UNC93A: variants seen among roughly 807,000 people sequenced by gnomAD.
UNC93A encodes the protein N-acetylglucosamine transporter UNC93A.
Under a neutral mutation model 47.5 loss-of-function variants are expected in UNC93A, and 43 were observed. The ratio of observed to expected loss-of-function variants is 0.91; its 90% CI spans 0.71 to 1.17. The LOEUF (loss-of-function observed/expected upper bound fraction) is 1.17, where lower values mean the gene tolerates loss of function less well. UNC93A is among the 50% of genes most tolerant of loss of function. The pLI is 0.00. For missense variants in UNC93A, 605 were observed against 577.6 expected, an observed-to-expected ratio of 1.05 and a Z score of -0.49; for synonymous variants, 280 against 258.0, an observed-to-expected ratio of 1.09 and a Z score of -0.82.
At chr6:167,303,261 G>A (rs770888307) in intron 4 of UNC93A, among the ~76,000 whole-genome samples, 1 of 152,192 alleles carries the variant, frequency 6.6e-6, no homozygotes, top group African/African-American at 2.4e-5. Context: ...ACATCTTTAT[G>A]TCCTTTCTTA....
At chr6:167,305,375 C>A (rs1470796494) in intron 5 of UNC93A, among the ~76,000 whole-genome samples, 1 of 152,168 alleles carries the variant, frequency 6.6e-6, no homozygotes, top group Non-Finnish European at 1.5e-5. Context: ...TCCTTGTCCC[C>A]CCTGATGTGG....
At chr6:167,303,833 G>A (rs1778306867) in intron 4 of UNC93A, 86 bp from the exon 5 acceptor site, 1 of 1,329,518 alleles carries the variant, frequency 7.5e-7, no homozygotes, top group African/African-American at 1.5e-5. Context: ...CTCGCGAGAG[G>A]AGGATGAGTG....
chr6:167,306,114 C>T (rs1180377674), intron 6 of UNC93A, 64 bp downstream of exon 6: 1 of 1,602,268 alleles, frequency 6.2e-7, no homozygotes, highest in Non-Finnish European at 8.5e-7. Context: ...AAGCGCACAG[C>T]TCACAGTCAG....
intron 1 of UNC93A, among the ~76,000 whole-genome samples, chr6:167,275,539 A>G (rs1783525268): frequency 6.6e-6 from 1 of 152,230 alleles, no homozygotes; most frequent in African/African-American, 2.4e-5. Context: ...ACTCTTGGTC[A>G]TGAGAGTGGT....
rs1242694696 is a variant in UNC93A, at chr6:167,304,123, A to G, written c.830A>G (p.Glu277Gly). ...TTGCAGCAAGGATTCCTCTCCAGCGAATACACAAGGGTATGAACGAAAGTG... is the reference window on the plus strand; with the variant it reads ...TTGCAGCAAGGATTCCTCTCCAGCGGATACACAAGGGTATGAACGAAAGTG... ...SGLQQGFLSS[E>G]YTRSYVTCTL... is the part of the protein sequence containing the mutation. The change falls in exon 5 of 8, where the codon GAA (glutamate) becomes GGA (glycine). Residue 277 changes from glutamate to glycine, a missense_variant. Glu to Gly is a moderately conservative substitution (Grantham distance 98). Coordinates refer to ENST00000230256, the MANE Select transcript of UNC93A (RefSeq NM_018974.4). 2 of 1,614,096 alleles carry G rather than the reference A, an allele frequency of 1.2e-6. No individual in the cohort carries two copies. Among genetic ancestry groups the G allele is most frequent in the African/African-American group, 2.7e-5 (2 of 74,916 alleles).
At chr6:167,276,054 C>A (rs1024571940) in intron 1 of UNC93A, among the ~76,000 whole-genome samples, 1 of 128,782 alleles carries the variant, frequency 7.8e-6, no homozygotes, top group Non-Finnish European at 1.7e-5. Context: ...TCATTTTTTT[C>A]TTTTCTTTTC....
chr6:167,271,764 A>G (rs890784993), intron 1 of UNC93A, among the ~76,000 whole-genome samples: 2 of 152,210 alleles, frequency 1.3e-5, no homozygotes, highest in Non-Finnish European at 2.9e-5. Context: ...GCACTCAGCC[A>G]TGAGTCACTC....
At chr6:167,291,014 G>T (rs1221249784), upstream of UNC93A, among the ~76,000 whole-genome samples, 2 of 152,146 alleles carry the variant, frequency 1.3e-5, no homozygotes, top group African/African-American at 2.4e-5. Context: ...TATGTGTCTT[G>T]AAGTTGACAT....
chr6:167,275,312 G>A (rs1783521197), intron 1 of UNC93A, among the ~76,000 whole-genome samples: 1 of 152,236 alleles, frequency 6.6e-6, no homozygotes, highest in Non-Finnish European at 1.5e-5. Context: ...AGTGAGGCAG[G>A]TGGCTTCCTC....
In UNC93A at chr6:167,291,554, A is replaced by G. The variant is rs1383131935; in HGVS notation, c.65A>G (p.Tyr22Cys). 27 of 1,613,352 alleles carry G rather than the reference A, an allele frequency of 1.7e-5. No individual in the cohort carries two copies. Among genetic ancestry groups the G allele is most frequent in the Middle Eastern group, 1.6e-4 (1 of 6,082 alleles). ...SFGFLLLFTA[Y>C]GGLQSLQSSL... Reference sequence around the variant, plus strand: ...GGGTTCCTGCTTCTCTTTACAGCCTATGGAGGTCTGCAGAGCCTGCAGGTA... The same window carrying G: ...GGGTTCCTGCTTCTCTTTACAGCCTGTGGAGGTCTGCAGAGCCTGCAGGTA... Residue 22 changes from tyrosine to cysteine, a missense_variant, in exon 1 of 8, where the codon TAT (tyrosine) becomes TGT (cysteine). Physicochemically the swap from Tyr to Cys is radical, Grantham distance 194. Transcript: ENST00000230256.
rs778106415 is a variant in UNC93A, at chr6:167,272,426, C to T, written c.-52+968C>T. The stretch of plus-strand genomic sequence containing the variant: ...TTAGGCCTAGCAAGGGGCCTGTTGA[C>T]GAAGAGCCAAACTCTGTAAAATATT... On this transcript the variant is annotated intron_variant, in intron 1 of 3. Coordinates refer to the UNC93A transcript ENST00000503433. Among the ~76,000 whole-genome samples the T allele has an allele frequency of 5.9e-5, 9 of 152,286 alleles. No individual in the cohort carries two copies. The South Asian group carries it at 8.3e-4, about 14-fold the overall frequency.
chr6:167,308,482 G>A (rs1336879267), intron 7 of UNC93A, among the ~76,000 whole-genome samples: 1 of 152,066 alleles, frequency 6.6e-6, no homozygotes, highest in Non-Finnish European at 1.5e-5. Flanking sequence ...ATGTGGGGGA[G>A]CAGGGGAGGC....
intron 1 of UNC93A, among the ~76,000 whole-genome samples, chr6:167,285,775 C>A (rs1335223984): frequency 1.3e-5 from 2 of 151,640 alleles, no homozygotes; most frequent in Non-Finnish European, 2.9e-5. Flanking sequence ...CTTTCTACAA[C>A]AATTCCTTTA....
intron 7 of UNC93A, among the ~76,000 whole-genome samples, chr6:167,311,675 C>T (rs1778557880): frequency 6.6e-6 from 1 of 152,250 alleles, no homozygotes; most frequent in African/African-American, 2.4e-5. Context: ...TCTCTTTAAC[C>T]CTGGGCCACC....
intron 7 of UNC93A, among the ~76,000 whole-genome samples, chr6:167,314,159 G>A (rs114691793): frequency 1.3e-5 from 2 of 152,112 alleles, no homozygotes; most frequent in Non-Finnish European, 2.9e-5. Flanking sequence ...CCCCACACAC[G>A]GCATTGTCTC....
intron 1 of UNC93A, among the ~76,000 whole-genome samples, chr6:167,283,197 C>T (rs1783661746): frequency 6.6e-6 from 1 of 152,146 alleles, no homozygotes; most frequent in Non-Finnish European, 1.5e-5. Context: ...CAAAATGTGT[C>T]AAACAAAGTT....
At chr6:167,307,648 G>A in intron 6 of UNC93A, 131 bp from the exon 7 acceptor site, 1 of 1,157,540 alleles carries the variant, frequency 8.6e-7, no homozygotes, top group Non-Finnish European at 1.2e-6. Context: ...GGTTGAGATG[G>A]TTGAGACGGT....
Position 167,315,544 on chromosome 6 carries a change from A to C in UNC93A, c.*92A>C. On this transcript the variant is annotated 3_prime_UTR_variant, in exon 8 of 8. Coordinates refer to ENST00000230256, the MANE Select transcript of UNC93A (RefSeq NM_018974.4). ...TCAGGACATAGAGCGGCTCCTCATC[A>C]CCATCTCAGCACAATTTGGCCATTC... is the stretch of plus-strand genomic sequence containing the variant. The C allele has an allele frequency of 6.3e-7, 1 of 1,588,432 alleles. No individual in the cohort carries two copies. Among genetic ancestry groups the C allele is most frequent in the Non-Finnish European group, 8.6e-7 (1 of 1,165,320 alleles).
intron 4 of UNC93A, among the ~76,000 whole-genome samples, chr6:167,299,414 C>T (rs1394915377): frequency 6.6e-6 from 1 of 152,070 alleles, no homozygotes; most frequent in African/African-American, 2.4e-5. Flanking sequence ...AACCTCAGGT[C>T]CCCTCAGGCC....
Sources: allele counts gnomAD v4.1 joint callset (sites outside exome capture counted in the v4.1 genomes callset), GRCh38; gene constraint gnomAD v4.1.1; transcripts MANE v1.5; gene names NCBI Gene and HGNC (gene_info 2026-07-23, HGNC 2026-07-21).